PTPRO: variants seen among roughly 807,000 people sequenced by gnomAD.
PTPRO encodes the protein receptor-type tyrosine-protein phosphatase O.
A neutral mutation model predicts 145.2 loss-of-function variants in PTPRO; 62 were observed. That is an observed-to-expected ratio of 0.43 (90% CI 0.35 to 0.53). The LOEUF (loss-of-function observed/expected upper bound fraction) is 0.53. PTPRO is among the 20% of genes least tolerant of loss of function. The probability of loss-of-function intolerance (pLI) is 0.01; values close to 1 mark genes in which losing one functional copy is unlikely to be tolerated. For missense variants in PTPRO, 1,345 were observed against 1,482.7 expected, an observed-to-expected ratio of 0.91 and a Z score of 1.53; for synonymous variants, 565 against 514.7, an observed-to-expected ratio of 1.10 and a Z score of -1.32.
At chr12:15,404,754 C>T (rs1939600808) in intron 1 of PTPRO, among the ~76,000 whole-genome samples, 1 of 152,194 alleles carries the variant, frequency 6.6e-6, no homozygotes, top group Non-Finnish European at 1.5e-5. Context: ...CTCTATGTGT[C>T]AACTGACTTC....
chr12:15,483,880 T>C (rs1941831339), intron 1 of PTPRO, 94 bp from the exon 2 acceptor site: 2 of 1,347,716 alleles, frequency 1.5e-6, no homozygotes, highest in African/African-American at 2.9e-5. Context: ...ATGTTTATGA[T>C]ACACAACAAT....
At chr12:15,434,531 C>T (rs1028509552) in intron 1 of PTPRO, among the ~76,000 whole-genome samples, 30 of 152,180 alleles carry the variant, frequency 2.0e-4, no homozygotes, top group Non-Finnish European at 3.8e-4. Flanking sequence ...GGCCATTAAA[C>T]ATTTTTCACA....
At chr12:15,572,197 A>T (rs1944067480) in intron 19 of PTPRO, among the ~76,000 whole-genome samples, 1 of 152,220 alleles carries the variant, frequency 6.6e-6, no homozygotes, top group Non-Finnish European at 1.5e-5. Flanking sequence ...TATGTAGTGA[A>T]CATGCTCATG....
chr12:15,506,803 T>C (rs1942330045), intron 6 of PTPRO, among the ~76,000 whole-genome samples: 1 of 152,192 alleles, frequency 6.6e-6, no homozygotes, highest in Admixed American at 6.5e-5. Context: ...AGTGGGTCTC[T>C]AAAGTTCTCT....
At chr12:15,513,312 T>C (rs1003215870) in intron 7 of PTPRO, among the ~76,000 whole-genome samples, 3 of 151,828 alleles carry the variant, frequency 2.0e-5, no homozygotes, top group Non-Finnish European at 4.4e-5. Context: ...AGGGAAACTC[T>C]CTATCAGATG....
chr12:15,380,056 C>T (rs866810355), intron 1 of PTPRO, among the ~76,000 whole-genome samples: 4 of 152,122 alleles, frequency 2.6e-5, no homozygotes, highest in African/African-American at 9.6e-5. Context: ...TCTAGAATAA[C>T]ATGTAATGTA....
intron 1 of PTPRO, among the ~76,000 whole-genome samples, chr12:15,402,089 A>G (rs1432213764): frequency 3.9e-5 from 6 of 152,172 alleles, no homozygotes; most frequent in Non-Finnish European, 7.3e-5. Context: ...AGCAAGAGTG[A>G]TAAGAAAACC....
chr12:15,473,925 G>A (rs1006828035), intron 1 of PTPRO, among the ~76,000 whole-genome samples: 9 of 152,046 alleles, frequency 5.9e-5, no homozygotes, highest in Non-Finnish European at 1.0e-4. Context: ...TTAGCAATTA[G>A]CCCTATTTTA....
chr12:15,536,518 G>C (rs147312761), intron 12 of PTPRO, among the ~76,000 whole-genome samples: 3 of 152,266 alleles, frequency 2.0e-5, no homozygotes, highest in East Asian at 3.9e-4. Context: ...ATAGATACAG[G>C]GCAGAGAGGT....
intron 19 of PTPRO, among the ~76,000 whole-genome samples, chr12:15,574,156 G>T: frequency 6.6e-6 from 1 of 152,128 alleles, no homozygotes. Context: ...ACAGCCATAA[G>T]TCATACATGA....
intron 18 of PTPRO, 52 bp from the exon 19 acceptor site, chr12:15,569,365 C>T: frequency 1.4e-6 from 2 of 1,383,870 alleles, no homozygotes; most frequent in Admixed American, 3.4e-5. Flanking sequence ...ATATATAATA[C>T]CTATCAACAA....
At chr12:15,473,465 A>G (rs1209902644) in intron 1 of PTPRO, among the ~76,000 whole-genome samples, 1 of 152,164 alleles carries the variant, frequency 6.6e-6, no homozygotes, top group African/African-American at 2.4e-5. Flanking sequence ...ACAAATGTTT[A>G]TAAAACCGCT....
At chr12:15,400,306 G>C (rs1041636120) in intron 1 of PTPRO, among the ~76,000 whole-genome samples, 2 of 151,868 alleles carry the variant, frequency 1.3e-5, no homozygotes, top group African/African-American at 4.8e-5. Flanking sequence ...ATTTTCTTAG[G>C]CTAAAGCCTG....
At chr12:15,384,830 T>A (rs1012846548) in intron 1 of PTPRO, among the ~76,000 whole-genome samples, 1 of 152,142 alleles carries the variant, frequency 6.6e-6, no homozygotes, top group Non-Finnish European at 1.5e-5. Flanking sequence ...GTGCAAAAAA[T>A]TGTGAGTTTT....
chr12:15,522,426 C>T (rs1237385407), intron 10 of PTPRO, among the ~76,000 whole-genome samples: 2 of 151,860 alleles, frequency 1.3e-5, no homozygotes, highest in Admixed American at 6.6e-5. Flanking sequence ...TGCCCCCACC[C>T]CCCGACAGTT....
At chr12:15,525,799 A>G (rs913453455) in intron 11 of PTPRO, among the ~76,000 whole-genome samples, 3 of 152,178 alleles carry the variant, frequency 2.0e-5, no homozygotes, top group African/African-American at 7.2e-5. Context: ...GTTTCTTTTG[A>G]ACGTCTTAGA....
At chr12:15,423,824 A>G (rs1382042852) in intron 1 of PTPRO, among the ~76,000 whole-genome samples, 1 of 152,178 alleles carries the variant, frequency 6.6e-6, no homozygotes, top group East Asian at 1.9e-4. Flanking sequence ...TCCCTACTCC[A>G]CTTAGATGAC....
At chr12:15,521,224 T>G (rs1942713792) in intron 10 of PTPRO, among the ~76,000 whole-genome samples, 1 of 151,156 alleles carries the variant, frequency 6.6e-6, no homozygotes, top group Non-Finnish European at 1.5e-5. Flanking sequence ...TTGAAATGTA[T>G]GAGAAAAAAA....
chr12:15,450,930 A>G (rs2014119), intron 1 of PTPRO, among the ~76,000 whole-genome samples: 130,713 of 152,028 alleles, frequency 0.86, 59,073 homozygotes, highest in Non-Finnish European at 0.99. Context: ...AATAAAGAAA[A>G]AAAAGGTATT....
Sources: allele counts gnomAD v4.1 joint callset (sites outside exome capture counted in the v4.1 genomes callset), GRCh38; gene constraint gnomAD v4.1.1; transcripts MANE v1.5; gene names NCBI Gene and HGNC (gene_info 2026-07-23, HGNC 2026-07-21).